RIPK1: variants seen among roughly 807,000 people sequenced by gnomAD.
The protein encoded by RIPK1 is receptor interacting serine/threonine kinase 1.
Under a neutral mutation model 62.4 loss-of-function variants are expected in RIPK1, and 27 were observed. The ratio of observed to expected loss-of-function variants is 0.43; its 90% CI spans 0.32 to 0.60. The LOEUF is 0.60. Among genes scored for constraint, RIPK1 ranks in the 20% least tolerant of loss-of-function variants. The pLI is 0.07. For missense variants in RIPK1, 735 were observed against 831.0 expected (o/e 0.88, Z 1.42); for synonymous variants, 287 against 303.2 (o/e 0.95, Z 0.55).
chr6:3,079,401 C>T (rs1314520475), intron 3 of RIPK1, among the ~76,000 whole-genome samples: 2 of 152,152 alleles, frequency 1.3e-5, no homozygotes, highest in Admixed American at 1.3e-4. Context: ...TAGACATACT[C>T]ATTGCTGAGG....
intron 8 of RIPK1, among the ~76,000 whole-genome samples, chr6:3,104,664 C>T (rs1760746556): frequency 6.6e-6 from 1 of 152,018 alleles, no homozygotes; most frequent in Non-Finnish European, 1.5e-5. Context: ...GGTCTCAGGT[C>T]AAGTAGGGAT....
At chr6:3,068,201 CT>C (rs1758470387), upstream of RIPK1, 1 of 985,232 alleles carries the variant, frequency 1.0e-6, no homozygotes, top group African/African-American at 1.7e-5. Context: ...TAGAGGAATG[CT>C]AACTTGCCTA....
rs1035800419 is a variant in RIPK1 at position 3,102,467 on chromosome 6, C to T, written c.916-1758C>T. On this transcript the variant is annotated intron_variant, in intron 7 of 10. Transcript: ENST00000259808. ...TCCCAAATTGGAAACAATCCAAAAT[C>T]CAAAACACTTCTAATCCCAAGCATT... 1.8e-4 allele frequency among the ~76,000 whole-genome samples: 28 copies of T among 152,178 alleles called. 1 individual carries two copies. Among genetic ancestry groups the T allele is most frequent in the Non-Finnish European group, 3.8e-4 (26 of 68,036 alleles).
At chr6:3,088,158 A>G (rs1395310622) in intron 6 of RIPK1, among the ~76,000 whole-genome samples, 3 of 152,158 alleles carry the variant, frequency 2.0e-5, no homozygotes, top group Non-Finnish European at 4.4e-5. Context: ...TTCTGTTTTA[A>G]CTGAACTTTC....
intron 7 of RIPK1, 66 bp downstream of exon 7, chr6:3,089,723 CA>C (rs1759924817): frequency 2.3e-6 from 2 of 884,242 alleles, no homozygotes; most frequent in African/African-American, 1.7e-5. Context: ...TCATGAAAAC[CA>C]AAACAAAGTG....
intron 9 of RIPK1, among the ~76,000 whole-genome samples, chr6:3,109,577 T>C (rs1373120153): frequency 6.6e-6 from 1 of 152,166 alleles, no homozygotes; most frequent in Non-Finnish European, 1.5e-5. Flanking sequence ...TGGCTGAGCT[T>C]TGCTGTGTTG....
chr6:3,110,973 G>A lies in RIPK1; in HGVS notation c.1729+18G>A, dbSNP rs762944804. 6.4e-7 allele frequency: 1 copy of A among 1,574,382 alleles called. No homozygotes were observed. The highest frequency in any genetic ancestry group is 1.4e-5 in the African/African-American group (1 of 73,442). ...TATCTTTGGTAAGATACCCTGGAAGGACTCAACGCCTAGCAACCTTGAACT... is the reference window on the plus strand; with the variant it reads ...TATCTTTGGTAAGATACCCTGGAAGAACTCAACGCCTAGCAACCTTGAACT... On this transcript the variant is annotated intron_variant, in intron 10 of 10. Transcript: ENST00000259808.
intron 7 of RIPK1, among the ~76,000 whole-genome samples, chr6:3,101,867 G>A (rs1295596642): frequency 6.6e-6 from 1 of 152,084 alleles, no homozygotes; most frequent in Non-Finnish European, 1.5e-5. Context: ...ATAATGTTGT[G>A]CGGCCATTAC....
In RIPK1 at chr6:3,098,860, C is replaced by T. The variant is rs7763416; in HGVS notation, c.916-5365C>T. 3.0e-3 allele frequency among the ~76,000 whole-genome samples: 453 copies of T among 152,236 alleles called. 6 individuals are homozygous for T. Among genetic ancestry groups the T allele is most frequent in the African/African-American group, 0.011 (436 of 41,516 alleles). On this transcript the variant is annotated intron_variant, in intron 7 of 10. Coordinates refer to ENST00000259808, the MANE Select transcript of RIPK1 (RefSeq NM_001354930.2). ...AACGAAGCCTGACAGCTCTGGCAGCCGGGAGCACTGAGCAAATGCCCCTCA... is the reference window on the plus strand; with the variant it reads ...AACGAAGCCTGACAGCTCTGGCAGCTGGGAGCACTGAGCAAATGCCCCTCA...
At chr6:3,068,814 C>G in intron 1 of RIPK1, 153 bp downstream of exon 1, 1 of 297,046 alleles carries the variant, frequency 3.4e-6, no homozygotes, top group Non-Finnish European at 5.0e-6. Flanking sequence ...GCCGCCGCTT[C>G]TTCCCTCACC....
chr6:3,077,417 C>G (rs1759126809), intron 2 of RIPK1, among the ~76,000 whole-genome samples: 1 of 151,576 alleles, frequency 6.6e-6, no homozygotes, highest in African/African-American at 2.4e-5. Flanking sequence ...GTGGTTTCAC[C>G]TCTCTCCCTC....
intron 6 of RIPK1, among the ~76,000 whole-genome samples, chr6:3,086,587 T>C (rs901942112): frequency 2.0e-5 from 3 of 152,222 alleles, no homozygotes; most frequent in Non-Finnish European, 2.9e-5. Flanking sequence ...CCCCTTTTAC[T>C]GCAGTGGGTA....
chr6:3,102,792 G>A (rs1760652075), intron 7 of RIPK1, among the ~76,000 whole-genome samples: 2 of 151,978 alleles, frequency 1.3e-5, no homozygotes. Context: ...AGTAGAGATG[G>A]GGTGGTTTCA....
chr6:3,083,376 T>C lies in RIPK1; in HGVS notation c.688+63T>C, dbSNP rs17548350. The C allele has an allele frequency of 9.7e-4, 1,332 of 1,379,956 alleles. 12 individuals carry two copies. In the African/African-American group the frequency reaches 0.017, roughly 17 times the overall value. The allele number at this position is 1,379,956 out of a possible 1,614,324, so 85.5% of individuals were successfully genotyped here. A position where few individuals can be genotyped will look rare whatever the true frequency, so the allele number is the denominator to read the frequency against. ...CATCTACACGCACTGTGCCTGGAACTAATAGGTGCCCAGTAAATTTTTGTT... is the reference window on the plus strand; with the variant it reads ...CATCTACACGCACTGTGCCTGGAACCAATAGGTGCCCAGTAAATTTTTGTT... On this transcript the variant is annotated intron_variant, in intron 5 of 10. Transcript: ENST00000259808.
At chr6:3,090,572 G>C (rs1759996973) in intron 7 of RIPK1, among the ~76,000 whole-genome samples, 1 of 148,384 alleles carries the variant, frequency 6.7e-6, no homozygotes, top group Non-Finnish European at 1.5e-5. Flanking sequence ...AAATCAACCA[G>C]CCAAAAGTGA....
rs140590584 is a variant in RIPK1 at position 3,096,284 on chromosome 6, A to G, written c.915+6627A>G. Among the ~76,000 whole-genome samples the G allele has an allele frequency of 4.7e-3, 714 of 152,330 alleles. 10 individuals are homozygous for G. Among genetic ancestry groups the G allele is most frequent in the Middle Eastern group, 0.027 (8 of 294 alleles). On this transcript the variant is annotated intron_variant, in intron 7 of 10. Transcript: ENST00000259808. ...TGGAAAAGAAGAAACAAAACTGTTC[A>G]TAGGTTATAGGATGTGTACATAGAA...
chr6:3,080,804 C>A (rs1051387388), intron 3 of RIPK1, among the ~76,000 whole-genome samples, 175 bp from the exon 4 acceptor site: 2 of 151,706 alleles, frequency 1.3e-5, no homozygotes, highest in African/African-American at 4.8e-5. Context: ...CCTCTGCCCC[C>A]CCCCGAATGA....
intron 7 of RIPK1, among the ~76,000 whole-genome samples, chr6:3,101,273 A>G (rs1760577313): frequency 6.6e-6 from 1 of 151,670 alleles, no homozygotes; most frequent in African/African-American, 2.4e-5. Flanking sequence ...ACAACAAAAA[A>G]CCCTTTTCAT....
In RIPK1 at chr6:3,105,471, T is replaced by C. The variant is rs901464825; in HGVS notation, c.1007-11T>C. On this transcript the variant is annotated splice_polypyrimidine_tract_variant and intron_variant, in intron 8 of 10. Coordinates refer to ENST00000259808, the MANE Select transcript of RIPK1 (RefSeq NM_001354930.2). This position sits in a 1 kb window ranked among gnomAD's most constrained non-coding sequence, Gnocchi z 4.5. ...ATGACACCCATTCTAATGTTGATCATTTCTTCTCAGCCACAGAACAGCCTG... is the reference window on the plus strand; with the variant it reads ...ATGACACCCATTCTAATGTTGATCACTTCTTCTCAGCCACAGAACAGCCTG... 6.6e-7 allele frequency: 1 copy of C among 1,521,554 alleles called. No homozygotes were observed. Among genetic ancestry groups the C allele is most frequent in the Non-Finnish European group, 8.8e-7 (1 of 1,135,762 alleles). The allele number at this position is 1,521,554 out of a possible 1,614,324, so 94.3% of individuals were successfully genotyped here. A position where few individuals can be genotyped will look rare whatever the true frequency, so the allele number is the denominator to read the frequency against.
Sources: gnomAD v4.1 joint callset for allele counts (sites outside exome capture counted in the v4.1 genomes callset) on GRCh38, gnomAD v4.1.1 for gene constraint, Gnocchi (gnomAD v3.1) non-coding constraint, MANE v1.5 for transcripts, NCBI Gene and HGNC (gene_info 2026-07-23, HGNC 2026-07-21) for gene names.